The following GNG7 variants were observed in gnomAD, a reference collection of about 807,000 sequenced individuals.
GNG7 encodes guanine nucleotide-binding protein G(I)/G(S)/G(O) subunit gamma-7.
In GNG7, 1 loss-of-function variant was observed where a neutral mutation model predicts 4.0. The observed-to-expected ratio is 0.25, with a 90% CI of 0.09 to 1.18. The LOEUF is 1.18. Among genes scored for constraint, GNG7 ranks in the 50% most tolerant of loss-of-function variants. GNG7 has a pLI of 0.50. For missense variants in GNG7, 86 were observed against 91.9 expected, an observed-to-expected ratio of 0.94 and a Z score of 0.26; for synonymous variants, 34 against 36.9, an observed-to-expected ratio of 0.92 and a Z score of 0.29.
chr19:2,596,644 G>C (rs916195208), intron 2 of GNG7, among the ~76,000 whole-genome samples: 1 of 150,654 alleles, frequency 6.6e-6, no homozygotes, highest in East Asian at 2.0e-4. Context: ...ACTCCAGCCT[G>C]GGTGACAAAG....
At position 2,702,636 on chromosome 19, in the gene GNG7, G is replaced by A. The variant is rs1913436104; in HGVS notation, c.-135+10C>T. 1 of 151,626 alleles carries A rather than the reference G, an allele frequency of 6.6e-6. No individual in the cohort carries two copies. The highest frequency in any genetic ancestry group is 2.4e-5 in the African/African-American group (1 of 41,358). The allele number at this position is 151,626 out of a possible 1,614,324, so 9.4% of individuals were successfully genotyped here. A position where few individuals can be genotyped will look rare whatever the true frequency, so the allele number is the denominator to read the frequency against. ...TCACTTCCCCTGGCCCGGTTCGCGG[G>A]CGCCCTTACCTGCGCTCGGGCCCCG... On this transcript the variant is annotated intron_variant, in intron 1 of 4. Coordinates refer to ENST00000382159, the MANE Select transcript of GNG7 (RefSeq NM_052847.3).
chr19:2,697,791 C>A lies in GNG7; in HGVS notation c.-135+4855G>T, dbSNP rs1037951581. Among the ~76,000 whole-genome samples the A allele has an allele frequency of 2.6e-5, 4 of 151,552 alleles. No individual in the cohort carries two copies. The South Asian group carries it at 6.3e-4, about 24-fold the overall frequency. ...CCAACATGGTGAGGGCCCCGTCCCCCCCCCCGCCCGTCTCTACTAAAAATA... is the reference window on the plus strand; with the variant it reads ...CCAACATGGTGAGGGCCCCGTCCCCACCCCCGCCCGTCTCTACTAAAAATA... On this transcript the variant is annotated intron_variant, in intron 1 of 4. Coordinates refer to ENST00000382159, the MANE Select transcript of GNG7 (RefSeq NM_052847.3).
At chr19:2,529,495 G>A (rs1978518944) in intron 3 of GNG7, among the ~76,000 whole-genome samples, 1 of 151,896 alleles carries the variant, frequency 6.6e-6, no homozygotes, top group Non-Finnish European at 1.5e-5. Flanking sequence ...TGGGATGACA[G>A]GCGTGAGCCA....
chr19:2,536,609 G>A (rs923968672), intron 3 of GNG7, among the ~76,000 whole-genome samples: 6 of 152,208 alleles, frequency 3.9e-5, no homozygotes, highest in South Asian at 2.1e-4. Flanking sequence ...GCACTGAAGC[G>A]TGTGTGGGTC....
intron 2 of GNG7, among the ~76,000 whole-genome samples, chr19:2,596,394 G>A (rs911998875): frequency 3.3e-5 from 5 of 151,800 alleles, no homozygotes; most frequent in Admixed American, 1.3e-4. Flanking sequence ...CAGGCCCAGC[G>A]CGGGGCTCAC....
At chr19:2,527,099 C>T (rs947575215) in intron 3 of GNG7, among the ~76,000 whole-genome samples, 4 of 152,368 alleles carry the variant, frequency 2.6e-5, no homozygotes, top group African/African-American at 9.6e-5. Context: ...CCGCCTCAGC[C>T]TCCCAAAGTG....
intron 2 of GNG7, among the ~76,000 whole-genome samples, chr19:2,573,583 G>T (rs144297537): frequency 1.3e-5 from 2 of 151,902 alleles, no homozygotes; most frequent in Non-Finnish European, 2.9e-5. Flanking sequence ...TTCGGAGGCC[G>T]AGGCGGGCAG....
Position 2,634,903 on chromosome 19 carries a change from T to A in GNG7, c.-78+11321A>T, listed in dbSNP as rs1599432687. Among the ~76,000 whole-genome samples, 2 of 148,602 alleles carry A rather than the reference T, an allele frequency of 1.3e-5. No individual in the cohort carries two copies. On this transcript the variant is annotated intron_variant, in intron 2 of 4. Transcript: ENST00000382159. This position sits in a 1 kb window ranked among gnomAD's most constrained non-coding sequence, Gnocchi z 5.3. Reference sequence around the variant, plus strand: ...AAATGTTACCAAAAAAAAAAAACCCTCGCCGGGAGAACAAGGAGCTACCAG... The same window carrying A: ...AAATGTTACCAAAAAAAAAAAACCCACGCCGGGAGAACAAGGAGCTACCAG...
Position 2,614,149 on chromosome 19 carries a change from AC to A in GNG7, c.-78+32074del, listed in dbSNP as rs1347317339. ...ACCCGGTGAACGGCACTGGGAGCAGACTCAAGAGGCTCGAGAGGTCCCAGGA... is the reference window on the plus strand; with the variant it reads ...ACCCGGTGAACGGCACTGGGAGCAGATCAAGAGGCTCGAGAGGTCCCAGGA... On this transcript the variant is annotated intron_variant, in intron 2 of 4. Coordinates refer to ENST00000382159, the MANE Select transcript of GNG7 (RefSeq NM_052847.3). This position sits in a 1 kb window ranked among gnomAD's most constrained non-coding sequence, Gnocchi z 6.0. Among the ~76,000 whole-genome samples the A allele has an allele frequency of 1.3e-5, 2 of 152,072 alleles. No homozygotes were observed. The highest frequency in any genetic ancestry group is 2.9e-5 in the Non-Finnish European group (2 of 68,002).
At chr19:2,636,490 C>T (rs1982311173) in intron 2 of GNG7, among the ~76,000 whole-genome samples, 1 of 152,142 alleles carries the variant, frequency 6.6e-6, no homozygotes, top group Non-Finnish European at 1.5e-5. Flanking sequence ...CCTGCACTCT[C>T]CCAGGGCCAC....
At chr19:2,624,534 AAAAAAAAAAAAAG>A (rs1981965166) in intron 2 of GNG7, among the ~76,000 whole-genome samples, 1 of 151,142 alleles carries the variant, frequency 6.6e-6, no homozygotes. Flanking sequence ...GTCTCAAAAA[AAAAAAAAAAAAAG>A]AAAAAGAAAA....
chr19:2,661,302 G>GAAAGAAAAAGAAAGAAAGAA lies in GNG7; in HGVS notation c.-134-15023_-134-15022insTTCTTTCTTTCTTTTTCTTT. ...AGAAAGAAAGAAAGAAAGAAAGAAA[G>GAAAGAAAAAGAAAGAAAGAA]AGAAAGAAAGAAAGAAAGAAAGAAA... is the stretch of plus-strand genomic sequence containing the variant. On this transcript the variant is annotated intron_variant, in intron 1 of 4. Coordinates refer to ENST00000382159, the MANE Select transcript of GNG7 (RefSeq NM_052847.3). Among the ~76,000 whole-genome samples, 22 of 73,124 alleles carry GAAAGAAAAAGAAAGAAAGAA rather than the reference G, an allele frequency of 3.0e-4. 1 individual carries two copies. The highest frequency in any genetic ancestry group is 1.1e-3 in the African/African-American group (20 of 18,502). The allele number at this position is 73,124 out of a possible 152,430, so 48.0% of individuals were successfully genotyped here. A position where few individuals can be genotyped will look rare whatever the true frequency, so the allele number is the denominator to read the frequency against.
intron 1 of GNG7, among the ~76,000 whole-genome samples, chr19:2,655,859 A>AAAAAAAAAAAAAAAATATATAT (rs1568275808): frequency 7.5e-6 from 1 of 133,692 alleles, no homozygotes; most frequent in African/African-American, 3.3e-5. Flanking sequence ...AAAAAAAAAA[A>AAAAAAAAAAAAAAAATATATAT]ATACATATAT....
chr19:2,531,637 G>A (rs1403884116), intron 3 of GNG7, among the ~76,000 whole-genome samples: 1 of 151,278 alleles, frequency 6.6e-6, no homozygotes, highest in Non-Finnish European at 1.5e-5. Flanking sequence ...CAGGCTTGGT[G>A]GCAGGCACCT....
At chr19:2,573,642 G>C (rs1279036568) in intron 2 of GNG7, among the ~76,000 whole-genome samples, 2 of 151,924 alleles carry the variant, frequency 1.3e-5, no homozygotes, top group African/African-American at 4.8e-5. Flanking sequence ...CATGGTGAAA[G>C]AGTTAGTGTC....
intron 1 of GNG7, among the ~76,000 whole-genome samples, chr19:2,689,047 G>T (rs543567157): frequency 6.6e-6 from 1 of 151,622 alleles, no homozygotes; most frequent in Non-Finnish European, 1.5e-5. Context: ...CTGGGCGACA[G>T]AGTAAGACTC....
chr19:2,623,578 C>T (rs1238643320), intron 2 of GNG7, among the ~76,000 whole-genome samples: 1 of 152,124 alleles, frequency 6.6e-6, no homozygotes, highest in Non-Finnish European at 1.5e-5. Flanking sequence ...GTGAGAGAAC[C>T]CAGACACAAA....
chr19:2,546,224 G>A lies in GNG7; in HGVS notation c.-38+8925C>T, dbSNP rs12459177. ...CTGAGACTGGCCACACCTGCTGCCCGCTCCACAGAACCCCAGGGCCCCCTC... is the reference window on the plus strand; with the variant it reads ...CTGAGACTGGCCACACCTGCTGCCCACTCCACAGAACCCCAGGGCCCCCTC... On this transcript the variant is annotated intron_variant, in intron 3 of 4. Coordinates refer to ENST00000382159, the MANE Select transcript of GNG7 (RefSeq NM_052847.3). The surrounding 1 kb of genome is among the most constrained non-coding windows in gnomAD (Gnocchi z 6.3). 0.079 allele frequency among the ~76,000 whole-genome samples: 12,009 copies of A among 152,276 alleles called. 915 individuals carry two copies. The highest frequency in any genetic ancestry group is 0.24 in the East Asian group (1,251 of 5,166).
chr19:2,539,014 G>A (rs962372178), intron 3 of GNG7, among the ~76,000 whole-genome samples: 2 of 151,864 alleles, frequency 1.3e-5, no homozygotes, highest in Non-Finnish European at 2.9e-5. Context: ...CTCATGATCT[G>A]CCCACCTCGG....
Sources: allele counts gnomAD v4.1 joint callset (sites outside exome capture counted in the v4.1 genomes callset), GRCh38; gene constraint gnomAD v4.1.1; non-coding constraint Gnocchi (gnomAD v3.1); transcripts MANE v1.5; gene names NCBI Gene and HGNC (gene_info 2026-07-23, HGNC 2026-07-21).